The following TTC7A variants were observed in gnomAD, a reference collection of about 807,000 sequenced individuals.
TTC7A encodes the protein tetratricopeptide repeat protein 7A.
In TTC7A, 110 loss-of-function variants were observed where a neutral mutation model predicts 103.7. That is an observed-to-expected ratio of 1.06 (90% CI 0.91 to 1.24). The LOEUF (loss-of-function observed/expected upper bound fraction) is 1.24. Among genes scored for constraint, TTC7A ranks in the 50% most tolerant of loss-of-function variants. The pLI is 0.00. For missense variants in TTC7A, 1,340 were observed against 1,116.3 expected, an observed-to-expected ratio of 1.20 and a Z score of -2.86; for synonymous variants, 521 against 467.9, an observed-to-expected ratio of 1.11 and a Z score of -1.47.
At chr2:47,047,586 A>T (rs541227094) in intron 16 of TTC7A, among the ~76,000 whole-genome samples, 2 of 152,366 alleles carry the variant, frequency 1.3e-5, no homozygotes, top group African/African-American at 4.8e-5. Context: ...CCGCACAAGC[A>T]GGTGCACAAC....
At chr2:46,924,991 A>G (rs1307101587) in intron 2 of TTC7A, among the ~76,000 whole-genome samples, 4 of 152,244 alleles carry the variant, frequency 2.6e-5, no homozygotes, top group African/African-American at 9.6e-5. Context: ...CAAATGGGGT[A>G]GCTTGGATAC....
At chr2:46,983,802 T>C (rs1674727755) in intron 5 of TTC7A, among the ~76,000 whole-genome samples, 2 of 152,206 alleles carry the variant, frequency 1.3e-5, no homozygotes, top group African/African-American at 4.8e-5. Flanking sequence ...ATTTGCCCTT[T>C]AGAGAAAACA....
At chr2:46,978,685 C>A in intron 4 of TTC7A, 107 bp from the exon 5 acceptor site, 1 of 759,408 alleles carries the variant, frequency 1.3e-6, no homozygotes, top group Non-Finnish European at 2.2e-6. Flanking sequence ...AACAATGTGC[C>A]CCTGAACAAC....
Position 46,950,326 on chromosome 2 carries a change from C to T in TTC7A, c.185-37C>T, listed in dbSNP as rs201116834. On this transcript the variant is annotated intron_variant, in intron 1 of 19. Transcript: ENST00000319190. ...AACTCCCTCCATTATCCGCCTTGTT[C>T]GGGGTTTGCTGCTCTGACCCCTACT... 252 of 1,610,648 alleles carry T rather than the reference C, an allele frequency of 1.6e-4. 1 individual carries two copies. The highest frequency in any genetic ancestry group is 3.6e-4 in the Middle Eastern group (2 of 5,550).
At chr2:47,051,373 A>G (rs1227688081) in intron 17 of TTC7A, among the ~76,000 whole-genome samples, 1 of 152,132 alleles carries the variant, frequency 6.6e-6, no homozygotes, top group Non-Finnish European at 1.5e-5. Context: ...TTGTTATTTT[A>G]ATGATCGCAG....
chr2:46,973,999 A>G (rs1673611870), intron 3 of TTC7A, among the ~76,000 whole-genome samples: 1 of 152,164 alleles, frequency 6.6e-6, no homozygotes. Flanking sequence ...TGGTGCTCCC[A>G]GGCAGCCCCC....
intron 11 of TTC7A, among the ~76,000 whole-genome samples, chr2:47,015,909 T>C (rs1036291): frequency 0.55 from 83,966 of 151,998 alleles, 23,490 homozygotes; most frequent in East Asian, 0.77. Flanking sequence ...GATTTTTCAG[T>C]AGAGCAGCTA....
chr2:47,047,186 C>A lies in TTC7A; in HGVS notation c.1919+755C>A, dbSNP rs1270429651. 28 of 792,796 alleles carry A rather than the reference C, an allele frequency of 3.5e-5. No homozygotes were observed. The Admixed American group carries it at 7.2e-4, about 20-fold the overall frequency. 49.1% of individuals were successfully genotyped at this position (792,796 alleles called of 1,614,324 possible). On this transcript the variant is annotated intron_variant, in intron 16 of 19. Coordinates refer to ENST00000319190, the MANE Select transcript of TTC7A (RefSeq NM_020458.4). The stretch of plus-strand genomic sequence containing the variant: ...CCCTGCCTCTTCCTGATCCTCTTGT[C>A]CTTCTTTGGGATAGCTGGCTGTGTC...
chr2:46,990,072 A>C (rs1161383985), intron 5 of TTC7A, among the ~76,000 whole-genome samples: 1 of 152,194 alleles, frequency 6.6e-6, no homozygotes, highest in African/African-American at 2.4e-5. Context: ...TGTAGGCCAC[A>C]GGGCCCTAGG....
intron 18 of TTC7A, among the ~76,000 whole-genome samples, chr2:47,059,585 G>T (rs1286027564): frequency 3.9e-5 from 6 of 152,050 alleles, no homozygotes; most frequent in African/African-American, 1.4e-4. Flanking sequence ...CCTTCAGTCA[G>T]CCCCTGCCTG....
chr2:47,041,199 T>C (rs543113177), intron 15 of TTC7A, among the ~76,000 whole-genome samples: 30 of 152,286 alleles, frequency 2.0e-4, no homozygotes, highest in African/African-American at 7.2e-4. Context: ...TGGAATGGAA[T>C]TGGCCAGCGC....
intron 1 of TTC7A, among the ~76,000 whole-genome samples, chr2:46,942,351 G>A (rs1169899981): frequency 6.6e-6 from 1 of 152,162 alleles, no homozygotes; most frequent in South Asian, 2.1e-4. Context: ...TGGCAGCGGG[G>A]AACACCCCGC....
intron 3 of TTC7A, among the ~76,000 whole-genome samples, chr2:46,964,509 C>T (rs1420474595): frequency 6.6e-6 from 1 of 152,158 alleles, no homozygotes; most frequent in Non-Finnish European, 1.5e-5. Flanking sequence ...GCACCACAGC[C>T]TGTTCCCCCT....
intron 15 of TTC7A, chr2:47,035,331 C>T (rs181478434): frequency 1.3e-5 from 2 of 152,320 alleles, no homozygotes; most frequent in African/African-American, 4.8e-5. Context: ...GTTTGGCTGC[C>T]ACAGCCCCTG....
At chr2:47,008,515 C>T (rs1356165606) in intron 10 of TTC7A, among the ~76,000 whole-genome samples, 1 of 152,180 alleles carries the variant, frequency 6.6e-6, no homozygotes, top group Non-Finnish European at 1.5e-5. Flanking sequence ...CAAGGTGGCC[C>T]CGGGAGTGGG....
At chr2:46,993,586 A>G in intron 6 of TTC7A, 58 bp downstream of exon 6, 4 of 1,537,378 alleles carry the variant, frequency 2.6e-6, no homozygotes, top group Non-Finnish European at 3.6e-6. Context: ...GTGGGAGACA[A>G]CAGAAGTCCT....
intron 19 of TTC7A, among the ~76,000 whole-genome samples, chr2:47,067,305 A>G (rs1684258798): frequency 6.6e-6 from 1 of 152,254 alleles, no homozygotes; most frequent in Non-Finnish European, 1.5e-5. Context: ...AGCTGTGAAA[A>G]GATAAGTCAA....
At chr2:47,070,167 A>G (rs994670202) in intron 19 of TTC7A, among the ~76,000 whole-genome samples, 20 of 152,350 alleles carry the variant, frequency 1.3e-4, no homozygotes, top group Middle Eastern at 3.4e-3. Context: ...GATGGTGTGC[A>G]GTGGAATTCT....
chr2:46,916,959 C>A (rs2103785817), intron 1 of TTC7A, among the ~76,000 whole-genome samples: 1 of 151,688 alleles, frequency 6.6e-6, no homozygotes, highest in East Asian at 2.0e-4. Flanking sequence ...TAAAGCCCTT[C>A]TCCCATTTCT....
Sources: allele counts gnomAD v4.1 joint callset (sites outside exome capture counted in the v4.1 genomes callset), GRCh38; gene constraint gnomAD v4.1.1; transcripts MANE v1.5; gene names NCBI Gene and HGNC (gene_info 2026-07-23, HGNC 2026-07-21).